Variants in OTOP1 observed in about 807,000 individuals in gnomAD.
OTOP1 encodes otopetrin 1.
In OTOP1, 59 loss-of-function variants were observed where a neutral mutation model predicts 52.9. That is an observed-to-expected ratio of 1.12 (90% CI 0.91 to 1.39). OTOP1 has a LOEUF of 1.39. Among genes scored for constraint, OTOP1 ranks in the 40% most tolerant of loss-of-function variants. The pLI is 0.00. For missense variants in OTOP1, 761 were observed against 800.9 expected (o/e 0.95, Z 0.60); for synonymous variants, 317 against 337.7 (o/e 0.94, Z 0.67).
At chr4:4,195,414 G>C (rs1577174885) in intron 5 of OTOP1, among the ~76,000 whole-genome samples, 1 of 152,204 alleles carries the variant, frequency 6.6e-6, no homozygotes, top group Admixed American at 6.5e-5. Flanking sequence ...AGAGAGGCTG[G>C]AAAGCAAACC....
chr4:4,202,552 G>C lies in OTOP1; in HGVS notation c.626C>G (p.Thr209Ser). ...ERFGVIHSVF[T>S]NLLLWANGVL... Reference sequence around the variant, plus strand: ...GCCATTGGCCCACAGAAGCAGGTTGGTGAACACCGAGTGGATCACTCCAAA... The same window carrying C: ...GCCATTGGCCCACAGAAGCAGGTTGCTGAACACCGAGTGGATCACTCCAAA... Residue 209 changes from threonine (T) to serine (S), a missense_variant, in exon 4 of 6, where the codon ACC becomes AGC. Around this residue, in one of 3 missense-constraint regions of OTOP1, gnomAD observed 632 missense variants for 619.5 expected, o/e 1.02. Coordinates refer to ENST00000296358, the MANE Select transcript of OTOP1 (RefSeq NM_177998.3). The C allele has an allele frequency of 1.2e-6, 2 of 1,614,048 alleles. No homozygotes were observed. The highest frequency in any genetic ancestry group is 1.7e-6 in the Non-Finnish European group (2 of 1,179,942).
chr4:4,216,414 T>C (rs1322650867), intron 1 of OTOP1, among the ~76,000 whole-genome samples: 3 of 152,146 alleles, frequency 2.0e-5, no homozygotes, highest in Non-Finnish European at 4.4e-5. Flanking sequence ...ATTTATACAT[T>C]TGCTCCTACC....
intron 5 of OTOP1, among the ~76,000 whole-genome samples, chr4:4,195,501 G>A (rs1013488414): frequency 6.6e-6 from 1 of 152,116 alleles, no homozygotes; most frequent in African/African-American, 2.4e-5. Flanking sequence ...CTTCCCCACT[G>A]CTTTCTGTCT....
chr4:4,195,878 C>T (rs1296848642), intron 5 of OTOP1, among the ~76,000 whole-genome samples: 1 of 152,118 alleles, frequency 6.6e-6, no homozygotes, highest in Non-Finnish European at 1.5e-5. Context: ...CTCATTGTCT[C>T]CCTCCCCCAT....
At chr4:4,226,359 G>C (rs1717432718) in intron 1 of OTOP1, 103 bp downstream of exon 1, 1 of 1,165,350 alleles carries the variant, frequency 8.6e-7, no homozygotes, top group Non-Finnish European at 1.1e-6. Flanking sequence ...AGGCAGAAAA[G>C]GCTGAAGGGA....
At chr4:4,202,740 G>A (rs984496643) in intron 3 of OTOP1, among the ~76,000 whole-genome samples, 162 bp from the exon 4 acceptor site, 4 of 152,200 alleles carry the variant, frequency 2.6e-5, no homozygotes, top group Non-Finnish European at 4.4e-5. Context: ...CTGGCTGGGT[G>A]GGGCAGATCC....
At chr4:4,212,237 T>C (rs1310184811) in intron 2 of OTOP1, among the ~76,000 whole-genome samples, 2 of 152,244 alleles carry the variant, frequency 1.3e-5, no homozygotes, top group Non-Finnish European at 2.9e-5. Flanking sequence ...GAGATTTTTC[T>C]GACCCTAAGC....
At chr4:4,212,390 G>A (rs1466460523) in intron 2 of OTOP1, among the ~76,000 whole-genome samples, 1 of 152,178 alleles carries the variant, frequency 6.6e-6, no homozygotes, top group African/African-American at 2.4e-5. Context: ...ACCCAGAGGA[G>A]GCACTGCAAT....
At position 4,224,050 on chromosome 4, in the gene OTOP1, A is replaced by C. The variant is rs573788725; in HGVS notation, c.403+2412T>G. Among the ~76,000 whole-genome samples, 59 of 151,412 alleles carry C rather than the reference A, an allele frequency of 3.9e-4. 1 individual carries two copies. The South Asian group carries it at 0.012, about 31-fold the overall frequency. On this transcript the variant is annotated intron_variant, in intron 1 of 5. Coordinates refer to ENST00000296358, the MANE Select transcript of OTOP1 (RefSeq NM_177998.3). Reference sequence around the variant, plus strand: ...GAGAAGAGAGAAAGAAAATGAGGAAAAAAATAAGGAAAGGGAGGCCAGGCA... The same window carrying C: ...GAGAAGAGAGAAAGAAAATGAGGAACAAAATAAGGAAAGGGAGGCCAGGCA...
chr4:4,189,828 T>A (rs1716463776), intron 5 of OTOP1, among the ~76,000 whole-genome samples: 1 of 152,170 alleles, frequency 6.6e-6, no homozygotes, highest in African/African-American at 2.4e-5. Context: ...CACAGCTGAA[T>A]CCTGCCAACA....
chr4:4,220,003 ATATATATGTATATACATGTATATACG>A (rs1264067301), intron 1 of OTOP1, among the ~76,000 whole-genome samples: 10 of 52,576 alleles, frequency 1.9e-4, no homozygotes, highest in South Asian at 7.9e-4. Context: ...GTGTATATAC[ATATATATGTATATACATGTATATACG>A]TATATATGTA....
At chr4:4,226,395 G>GAGCA in intron 1 of OTOP1, 67 bp downstream of exon 1, 1 of 1,345,992 alleles carries the variant, frequency 7.4e-7, no homozygotes. Flanking sequence ...GAAGGGCGCA[G>GAGCA]AGCAGCCTCA....
At chr4:4,213,868 T>C (rs73079926) in intron 1 of OTOP1, among the ~76,000 whole-genome samples, 7,239 of 152,194 alleles carry the variant, frequency 0.048, 443 homozygotes, top group African/African-American at 0.14. Context: ...GGAGTGTGAA[T>C]AACTTGAGGT....
At chr4:4,207,816 C>T (rs555572829) in intron 2 of OTOP1, among the ~76,000 whole-genome samples, 2 of 152,200 alleles carry the variant, frequency 1.3e-5, no homozygotes, top group South Asian at 2.1e-4. Context: ...ATTAAGGACA[C>T]GCATCTGGGA....
At chr4:4,224,178 C>T (rs938936216) in intron 1 of OTOP1, among the ~76,000 whole-genome samples, 1 of 151,908 alleles carries the variant, frequency 6.6e-6, no homozygotes, top group Non-Finnish European at 1.5e-5. Flanking sequence ...GAAACCCCGT[C>T]TCTACTAAAG....
At chr4:4,201,758 C>T (rs1716793857) in intron 4 of OTOP1, among the ~76,000 whole-genome samples, 1 of 152,130 alleles carries the variant, frequency 6.6e-6, no homozygotes, top group Non-Finnish European at 1.5e-5. Flanking sequence ...AAAAGAGAGG[C>T]TCAGAGAGAT....
Position 4,212,860 on chromosome 4 carries a change from T to C in OTOP1, c.540+8A>G. Reference sequence around the variant, plus strand: ...ATGAGACAATATAAATAAACATCAGTGGTTTACCTGCAACAAAGTATGCAC... The same window carrying C: ...ATGAGACAATATAAATAAACATCAGCGGTTTACCTGCAACAAAGTATGCAC... On this transcript the variant is annotated splice_region_variant and intron_variant, in intron 2 of 5. Coordinates refer to ENST00000296358, the MANE Select transcript of OTOP1 (RefSeq NM_177998.3). 1 of 1,613,842 alleles carries C rather than the reference T, an allele frequency of 6.2e-7. No homozygotes were observed. The highest frequency in any genetic ancestry group is 8.5e-7 in the Non-Finnish European group (1 of 1,179,716).
chr4:4,203,118 C>T (rs181355917), intron 3 of OTOP1, among the ~76,000 whole-genome samples: 1 of 152,368 alleles, frequency 6.6e-6, no homozygotes, highest in East Asian at 1.9e-4. Context: ...GCCATTCTGG[C>T]CAGTGAGATA....
At position 4,197,611 on chromosome 4, in the gene OTOP1, G is replaced by A; in HGVS notation, c.1223C>T (p.Ser408Leu). The A allele has an allele frequency of 6.2e-7, 1 of 1,613,952 alleles. No individual in the cohort carries two copies. Among genetic ancestry groups the A allele is most frequent in the Non-Finnish European group, 8.5e-7 (1 of 1,180,008 alleles). The change falls in exon 5 of 6, where the codon TCA becomes TTA. Residue 408 changes from serine (S) to leucine (L), a missense_variant. Physicochemically the swap from Ser to Leu is moderately radical, Grantham distance 145 (BLOSUM62 -2). Coordinates refer to ENST00000296358, the MANE Select transcript of OTOP1 (RefSeq NM_177998.3). ...ASGSWLISWG[S>L]ILAILCAEGH... ...CTCAGCACAGAGGATGGCCAAGATT[G>A]AGCCCCAGGAGATAAGCCAGGAGCC...
Sources: gnomAD v4.1 joint callset for allele counts (sites outside exome capture counted in the v4.1 genomes callset) on GRCh38, gnomAD v4.1.1 for gene constraint, gnomAD v4.1.1 regional missense constraint, MANE v1.5 for transcripts, NCBI Gene and HGNC (gene_info 2026-07-23, HGNC 2026-07-21) for gene names.